Variants in SNX14 observed in about 807,000 individuals in gnomAD.
SNX14 encodes the protein sorting nexin 14.
In SNX14, 93 loss-of-function variants were observed where a neutral mutation model predicts 133.8. The observed-to-expected ratio is 0.70, with a 90% CI of 0.59 to 0.83. The LOEUF (loss-of-function observed/expected upper bound fraction) is 0.83. Among genes scored for constraint, SNX14 ranks in the 40% least tolerant of loss-of-function variants. The pLI is 0.00. For missense variants in SNX14, 945 were observed against 1,094.9 expected (o/e 0.86, Z 1.93); for synonymous variants, 368 against 365.6 (o/e 1.01, Z -0.07).
chr6:85,575,444 T>G (rs1797022071), intron 1 of SNX14, among the ~76,000 whole-genome samples: 1 of 152,210 alleles, frequency 6.6e-6, no homozygotes, highest in African/African-American at 2.4e-5. Context: ...GACTGGTCAC[T>G]CACTGCACAT....
Position 85,543,058 on chromosome 6 carries a change from G to A in SNX14, c.1389+124C>T, listed in dbSNP as rs138936627. 299 of 991,940 alleles carry A rather than the reference G, an allele frequency of 3.0e-4. 1 individual carries two copies. In the African/African-American group the frequency reaches 4.8e-3, roughly 16 times the overall value. The allele number at this position is 991,940 out of a possible 1,614,324, so 61.4% of individuals were successfully genotyped here. ...GCTGGGATTATAGGCGTGAGCAACT[G>A]TGCCCAGTAATCTTGTCTTATTTTT... On this transcript the variant is annotated intron_variant, in intron 14 of 28. Coordinates refer to ENST00000314673, the MANE Select transcript of SNX14 (RefSeq NM_153816.6).
intron 6 of SNX14, among the ~76,000 whole-genome samples, chr6:85,562,909 A>C (rs1792228183): frequency 6.6e-6 from 1 of 152,072 alleles, no homozygotes; most frequent in African/African-American, 2.4e-5. Context: ...TTTAAGTCTT[A>C]ATAAAGATTA....
chr6:85,558,701 T>C (rs748324024), intron 6 of SNX14, among the ~76,000 whole-genome samples: 16 of 152,228 alleles, frequency 1.1e-4, no homozygotes, highest in Middle Eastern at 3.4e-3. Context: ...TGGACTCAAG[T>C]AATCCACCCA....
chr6:85,526,798 G>A (rs1344839215), intron 20 of SNX14, among the ~76,000 whole-genome samples: 2 of 152,164 alleles, frequency 1.3e-5, no homozygotes, highest in East Asian at 1.9e-4. Context: ...GGCTGGGTGC[G>A]GTGGCTCATG....
At chr6:85,516,788 C>T (rs1164645213) in intron 23 of SNX14, among the ~76,000 whole-genome samples, 2 of 152,066 alleles carry the variant, frequency 1.3e-5, no homozygotes, top group Non-Finnish European at 2.9e-5. Flanking sequence ...CAGGCACCCA[C>T]CACCACGCTT....
intron 23 of SNX14, among the ~76,000 whole-genome samples, chr6:85,516,530 A>T (rs574305219): frequency 8.8e-4 from 134 of 152,298 alleles, no homozygotes; most frequent in Admixed American, 1.6e-3. Flanking sequence ...AAAATAAAAA[A>T]TGCTAATAAA....
intron 2 of SNX14, among the ~76,000 whole-genome samples, chr6:85,573,134 A>G (rs1349451916): frequency 6.6e-6 from 1 of 152,226 alleles, no homozygotes; most frequent in South Asian, 2.1e-4. Context: ...AGAAATACCA[A>G]CAAACCCAAG....
chr6:85,537,160 T>G (rs931734526), intron 16 of SNX14: 3 of 350,618 alleles, frequency 8.6e-6, no homozygotes, highest in Non-Finnish European at 1.5e-5. Flanking sequence ...CAATATTTAT[T>G]TATAAACACT....
chr6:85,541,876 A>G (rs866841433), intron 15 of SNX14, 109 bp downstream of exon 15: 1 of 729,020 alleles, frequency 1.4e-6, no homozygotes. Context: ...TTGTGAACTC[A>G]TATAACAATG....
chr6:85,563,202 T>C (rs946872961), intron 6 of SNX14, among the ~76,000 whole-genome samples: 3 of 152,140 alleles, frequency 2.0e-5, no homozygotes, highest in East Asian at 3.9e-4. Flanking sequence ...ATAGAGTAAT[T>C]TAACAAGATT....
chr6:85,559,177 T>C (rs763513335), intron 6 of SNX14, among the ~76,000 whole-genome samples: 23 of 152,122 alleles, frequency 1.5e-4, no homozygotes, highest in Non-Finnish European at 2.9e-4. Flanking sequence ...CCCCAAATTT[T>C]AATGATTTGC....
intron 21 of SNX14, among the ~76,000 whole-genome samples, chr6:85,520,737 CTG>C (rs1480310063): frequency 2.6e-5 from 4 of 152,136 alleles, no homozygotes; most frequent in Admixed American, 6.5e-5. Context: ...AAGAATCAGA[CTG>C]TATATATTCT....
chr6:85,520,123 C>G (rs1381951270), intron 21 of SNX14, among the ~76,000 whole-genome samples: 1 of 150,852 alleles, frequency 6.6e-6, no homozygotes, highest in Non-Finnish European at 1.5e-5. Context: ...GATCTCGGCT[C>G]CCTCCACTTG....
intron 26 of SNX14, among the ~76,000 whole-genome samples, chr6:85,508,710 C>A (rs1771664415): frequency 6.6e-6 from 1 of 152,022 alleles, no homozygotes. Flanking sequence ...ATTTAGGGTC[C>A]AACGAGTTCA....
chr6:85,555,118 G>A (rs1289687885), intron 7 of SNX14, among the ~76,000 whole-genome samples: 2 of 152,044 alleles, frequency 1.3e-5, no homozygotes, highest in Non-Finnish European at 2.9e-5. Flanking sequence ...TATATACAAC[G>A]TCACTCTCAT....
intron 1 of SNX14, among the ~76,000 whole-genome samples, chr6:85,575,864 C>T (rs747395581): frequency 2.6e-5 from 4 of 152,124 alleles, no homozygotes; most frequent in Admixed American, 2.6e-4. Context: ...GGTAATTCAC[C>T]TATGCATGAA....
intron 1 of SNX14, among the ~76,000 whole-genome samples, chr6:85,592,828 A>G (rs1803264427): frequency 6.8e-6 from 1 of 147,194 alleles, no homozygotes; most frequent in Non-Finnish European, 1.5e-5. Flanking sequence ...TCTCTACTAA[A>G]AAAAAAAAAA....
intron 21 of SNX14, among the ~76,000 whole-genome samples, chr6:85,521,402 T>G (rs1207130109): frequency 6.6e-6 from 1 of 152,106 alleles, no homozygotes; most frequent in Admixed American, 6.5e-5. Flanking sequence ...ACCCAGCTAC[T>G]TTTTTGTTGT....
rs889037556 is a variant in SNX14 at position 85,551,791 on chromosome 6, T to C, written c.635-1912A>G. Among the ~76,000 whole-genome samples, 6 of 152,194 alleles carry C rather than the reference T, an allele frequency of 3.9e-5. No individual in the cohort carries two copies. The East Asian group carries it at 1.2e-3, about 29-fold the overall frequency. On this transcript the variant is annotated intron_variant, in intron 7 of 28. Coordinates refer to ENST00000314673, the MANE Select transcript of SNX14 (RefSeq NM_153816.6). ...TGCCCCATGCAGAGGACATAGGAAA[T>C]ATAAAACTATTTAAAGTAGAAACCC...
Sources: gnomAD v4.1 joint callset for allele counts (sites outside exome capture counted in the v4.1 genomes callset) on GRCh38, gnomAD v4.1.1 for gene constraint, MANE v1.5 for transcripts, NCBI Gene and HGNC (gene_info 2026-07-23, HGNC 2026-07-21) for gene names.